Variants in LDAH observed in about 807,000 individuals in gnomAD.
The protein encoded by LDAH is lipid droplet-associated hydrolase.
In LDAH, 26 loss-of-function variants were observed where a neutral mutation model predicts 29.6. The observed-to-expected ratio is 0.88, with a 90% CI of 0.64 to 1.22. The LOEUF (loss-of-function observed/expected upper bound fraction) is 1.22, where lower values mean the gene tolerates loss of function less well. LDAH is among the 50% of genes most tolerant of loss of function. The probability of loss-of-function intolerance (pLI) is 0.00; values close to 1 mark genes in which losing one functional copy is unlikely to be tolerated. For missense variants in LDAH, 344 were observed against 387.3 expected (o/e 0.89, Z 0.94); for synonymous variants, 117 against 133.0 (o/e 0.88, Z 0.83).
At chr2:20,812,899 A>G (rs1487725021) in intron 1 of LDAH, among the ~76,000 whole-genome samples, 1 of 152,206 alleles carries the variant, frequency 6.6e-6, no homozygotes, top group Non-Finnish European at 1.5e-5. Flanking sequence ...TTTAATCCTG[A>G]TGACAACCCT....
intron 5 of LDAH, among the ~76,000 whole-genome samples, chr2:20,712,242 C>T (rs1425328864): frequency 6.6e-6 from 1 of 152,180 alleles, no homozygotes; most frequent in Non-Finnish European, 1.5e-5. Flanking sequence ...CCCAGGCAAG[C>T]AGGGTCTGGA....
intron 1 of LDAH, among the ~76,000 whole-genome samples, chr2:20,806,940 T>C (rs1672102975): frequency 6.6e-6 from 1 of 151,650 alleles, no homozygotes; most frequent in East Asian, 1.9e-4. Flanking sequence ...GAAGAGTAGA[T>C]ATTAATGAAA....
chr2:20,798,566 TTAATATAATA>T (rs754088907), intron 2 of LDAH, among the ~76,000 whole-genome samples: 1 of 148,296 alleles, frequency 6.7e-6, no homozygotes, highest in Non-Finnish European at 1.5e-5. Context: ...TATAATATAA[TTAATATAATA>T]TAATATAATA....
At chr2:20,718,459 C>T (rs146294956) in intron 5 of LDAH, among the ~76,000 whole-genome samples, 131 of 152,116 alleles carry the variant, frequency 8.6e-4, no homozygotes, top group African/African-American at 2.2e-3. Context: ...TTCAGCAAGA[C>T]GATATTACAT....
At chr2:20,747,755 T>C (rs1667677016) in intron 4 of LDAH, among the ~76,000 whole-genome samples, 1 of 152,200 alleles carries the variant, frequency 6.6e-6, no homozygotes, top group South Asian at 2.1e-4. Context: ...AGTACTTGGA[T>C]TAACAGTAGT....
intron 5 of LDAH, among the ~76,000 whole-genome samples, chr2:20,708,282 G>A (rs1664455097): frequency 6.6e-6 from 1 of 152,090 alleles, no homozygotes; most frequent in Admixed American, 6.5e-5. Flanking sequence ...ACTCAGAGAG[G>A]TTTTTGCCTT....
chr2:20,802,013 C>T (rs1317687470), intron 1 of LDAH, among the ~76,000 whole-genome samples: 2 of 147,022 alleles, frequency 1.4e-5, no homozygotes, highest in African/African-American at 2.5e-5. Flanking sequence ...TGTATATATA[C>T]ATATACATAC....
At chr2:20,682,548 A>G (rs1238606686), downstream of LDAH, among the ~76,000 whole-genome samples, 4 of 152,220 alleles carry the variant, frequency 2.6e-5, no homozygotes, top group Non-Finnish European at 5.9e-5. Flanking sequence ...TCCAAGATTG[A>G]GGGGCTGGCA....
At position 20,684,621 on chromosome 2, in the gene LDAH, C is replaced by T. The variant is rs11693752; in HGVS notation, c.*2282G>A. On this transcript the variant is annotated 3_prime_UTR_variant, in exon 7 of 7. Coordinates refer to ENST00000237822, the MANE Select transcript of LDAH (RefSeq NM_021925.4). Reference sequence around the variant, plus strand: ...TCTCTCCAAAGGTTGAGTGGAGAAGCGTATGGTGAGAGGCCCTTGGTGGCC... The same window carrying T: ...TCTCTCCAAAGGTTGAGTGGAGAAGTGTATGGTGAGAGGCCCTTGGTGGCC... The T allele has an allele frequency of 0.17, 59,602 of 346,308 alleles. 5,655 individuals carry two copies. The highest frequency in any genetic ancestry group is 0.19 in the Non-Finnish European group (37,175 of 192,060). 21.5% of individuals were successfully genotyped at this position (346,308 alleles called of 1,614,324 possible). A position where few individuals can be genotyped will look rare whatever the true frequency, so the allele number is the denominator to read the frequency against.
rs1662469388 is a variant in LDAH at position 20,685,169 on chromosome 2, T to C, written c.*1734A>G. On this transcript the variant is annotated 3_prime_UTR_variant, in exon 7 of 7. Transcript: ENST00000237822. ...AAACCAGAAATAAGACACAATTTCA[T>C]ACGTGCAGACTTTTGAAATATGGAG... 1 of 510,586 alleles carries C rather than the reference T, an allele frequency of 2.0e-6. No homozygotes were observed. The highest frequency in any genetic ancestry group is 2.0e-5 in the African/African-American group (1 of 51,114). 31.6% of individuals were successfully genotyped at this position (510,586 alleles called of 1,614,324 possible).
intron 5 of LDAH, among the ~76,000 whole-genome samples, chr2:20,715,257 T>G (rs1340671417): frequency 6.6e-6 from 1 of 152,180 alleles, no homozygotes; most frequent in Non-Finnish European, 1.5e-5. Context: ...ATCCATCGCA[T>G]AAACAGAACC....
intron 1 of LDAH, among the ~76,000 whole-genome samples, chr2:20,807,040 C>G (rs929737695): frequency 2.0e-5 from 3 of 151,790 alleles, no homozygotes; most frequent in Non-Finnish European, 4.4e-5. Context: ...CTTGACTTCT[C>G]AAGAAAAGAG....
intron 1 of LDAH, among the ~76,000 whole-genome samples, chr2:20,804,897 A>T (rs944578163): frequency 6.6e-6 from 1 of 152,192 alleles, no homozygotes; most frequent in African/African-American, 2.4e-5. Context: ...CTGAATTTTT[A>T]CTTCACTAAT....
In LDAH at chr2:20,686,726, C is replaced by T. The variant is rs1024583897; in HGVS notation, c.*177G>A. 1.3e-5 allele frequency: 7 copies of T among 553,242 alleles called. No homozygotes were observed. In the African/African-American group the frequency reaches 1.3e-4, roughly 10 times the overall value. The allele number at this position is 553,242 out of a possible 1,614,324, so 34.3% of individuals were successfully genotyped here. On this transcript the variant is annotated 3_prime_UTR_variant, in exon 7 of 7. Transcript: ENST00000237822. ...GTATGGTTAAACCTATGGAATGATT[C>T]ATCAACTGTGTTTACTTCAGCCTAT...
chr2:20,811,095 G>A (rs1672456819), intron 1 of LDAH, among the ~76,000 whole-genome samples: 1 of 150,616 alleles, frequency 6.6e-6, no homozygotes, highest in South Asian at 2.1e-4. Context: ...TCGGCTCACT[G>A]CAAGCTCCAC....
At chr2:20,785,383 T>C (rs536661766) in intron 3 of LDAH, among the ~76,000 whole-genome samples, 2 of 152,352 alleles carry the variant, frequency 1.3e-5, no homozygotes, top group African/African-American at 4.8e-5. Flanking sequence ...TTCTCCTCTT[T>C]GTTGAATGAT....
chr2:20,822,841 A>G (rs1673432572), intron 1 of LDAH, among the ~76,000 whole-genome samples, 196 bp downstream of exon 1: 1 of 152,204 alleles, frequency 6.6e-6, no homozygotes, highest in East Asian at 1.9e-4. Context: ...CTGCAACTCA[A>G]GGGACTCCCA....
At chr2:20,744,184 C>T in intron 4 of LDAH, among the ~76,000 whole-genome samples, 1 of 150,616 alleles carries the variant, frequency 6.6e-6, no homozygotes, top group South Asian at 2.1e-4. Flanking sequence ...TCCAGAATCC[C>T]TATCTGTCTG....
chr2:20,781,389 C>G (rs1270116597), intron 3 of LDAH, among the ~76,000 whole-genome samples: 2 of 152,204 alleles, frequency 1.3e-5, no homozygotes, highest in Non-Finnish European at 2.9e-5. Flanking sequence ...GGAAAACATA[C>G]TTTCAACATT....
Sources: allele counts gnomAD v4.1 joint callset (sites outside exome capture counted in the v4.1 genomes callset), GRCh38; gene constraint gnomAD v4.1.1; transcripts MANE v1.5; gene names NCBI Gene and HGNC (gene_info 2026-07-23, HGNC 2026-07-21).